ZZZ3: variants seen among roughly 807,000 people sequenced by gnomAD.
ZZZ3 encodes ZZ-type zinc finger-containing protein 3.
In ZZZ3, 22 loss-of-function variants were observed where a neutral mutation model predicts 95.2. The observed-to-expected ratio is 0.23, with a 90% CI of 0.17 to 0.33. ZZZ3 has a LOEUF of 0.33. ZZZ3 is among the 10% of genes least tolerant of loss of function. The pLI, the probability that ZZZ3 is intolerant of heterozygous loss-of-function variation, is 1.00. For synonymous variants in ZZZ3, 335 were observed against 358.9 expected (o/e 0.93, Z 0.75); for missense variants, 885 against 1,066.5 (o/e 0.83, Z 2.37).
rs909586336 is a variant in ZZZ3 at position 77,562,566 on chromosome 1, T to C, written c.*3074A>G. On this transcript the variant is annotated 3_prime_UTR_variant, in exon 15 of 15. Transcript: ENST00000370801. ...TGTTCATACCTAGTAAATTTTTGTGTTCTGTGAATCAATTTAAACAAAAAG... is the reference window on the plus strand; with the variant it reads ...TGTTCATACCTAGTAAATTTTTGTGCTCTGTGAATCAATTTAAACAAAAAG... 6.6e-5 allele frequency: 10 copies of C among 152,330 alleles called. No individual in the cohort carries two copies. In the Middle Eastern group the frequency reaches 0.014, roughly 207 times the overall value. 9.4% of individuals were successfully genotyped at this position (152,330 alleles called of 1,614,324 possible). A position where few individuals can be genotyped will look rare whatever the true frequency, so the allele number is the denominator to read the frequency against.
Position 77,582,082 on chromosome 1 carries a change from A to T in ZZZ3, c.1689T>A (p.Pro563=). The change falls in exon 7 of 15, where the codon CCT becomes CCA. Residue 563 remains proline, a synonymous_variant. Coordinates refer to ENST00000370801, the MANE Select transcript of ZZZ3 (RefSeq NM_015534.6). ...LPYPQRVVQL[P]EIVWDQYTHS... ...GGGTATATTGGTCCCATACGATCTC[A>T]GGCAATTGAACAACTCTCTGTGGAT... is the stretch of plus-strand genomic sequence containing the variant. The T allele has an allele frequency of 6.2e-7, 1 of 1,613,360 alleles. No homozygotes were observed. The highest frequency in any genetic ancestry group is 8.5e-7 in the Non-Finnish European group (1 of 1,179,706).
chr1:77,662,414 G>T (rs189068545), intron 1 of ZZZ3, among the ~76,000 whole-genome samples: 1 of 152,076 alleles, frequency 6.6e-6, no homozygotes, highest in Non-Finnish European at 1.5e-5. Context: ...AAAGTGCTGG[G>T]ATTACAGGCA....
intron 1 of ZZZ3, among the ~76,000 whole-genome samples, chr1:77,644,923 C>T (rs948091444): frequency 5.9e-5 from 9 of 152,176 alleles, no homozygotes; most frequent in African/African-American, 2.2e-4. Flanking sequence ...TCAGTTTCTT[C>T]TAAAACTTTA....
Position 77,641,561 on chromosome 1 carries a change from G to A in ZZZ3, c.-308C>T, listed in dbSNP as rs949423206. The A allele has an allele frequency of 3.0e-5, 12 of 398,012 alleles. No homozygotes were observed. Among genetic ancestry groups the A allele is most frequent in the East Asian group, 3.6e-5 (1 of 27,998 alleles). The allele number at this position is 398,012 out of a possible 1,614,324, so 24.7% of individuals were successfully genotyped here. A position where few individuals can be genotyped will look rare whatever the true frequency, so the allele number is the denominator to read the frequency against. On this transcript the variant is annotated 5_prime_UTR_variant, in exon 2 of 15. The change creates a new upstream start codon in the 5' untranslated region. Coordinates refer to ENST00000370801, the MANE Select transcript of ZZZ3 (RefSeq NM_015534.6). Reference sequence around the variant, plus strand: ...TTTGCCTAGTATTTGATCCCCATGCGTCTGTATTTATCTGTCATCACTGTT... The same window carrying A: ...TTTGCCTAGTATTTGATCCCCATGCATCTGTATTTATCTGTCATCACTGTT...
At chr1:77,682,940 G>A (rs538825951), upstream of ZZZ3, among the ~76,000 whole-genome samples, 1 of 152,146 alleles carries the variant, frequency 6.6e-6, no homozygotes, top group African/African-American at 2.4e-5. Context: ...GCCCCAGGCA[G>A]CCTCCCTGTC....
chr1:77,657,574 C>T (rs1428128441), intron 1 of ZZZ3, among the ~76,000 whole-genome samples: 1 of 152,172 alleles, frequency 6.6e-6, no homozygotes, highest in East Asian at 1.9e-4. Flanking sequence ...AACATGTCCG[C>T]AAATGACTGC....
At chr1:77,572,233 A>C (rs918882410) in intron 12 of ZZZ3, among the ~76,000 whole-genome samples, 3 of 152,250 alleles carry the variant, frequency 2.0e-5, no homozygotes, top group African/African-American at 7.2e-5. Flanking sequence ...CAACAACAAC[A>C]AAAATTACAT....
At chr1:77,573,313 G>A (rs1302976068) in intron 12 of ZZZ3, among the ~76,000 whole-genome samples, 3 of 151,748 alleles carry the variant, frequency 2.0e-5, no homozygotes, top group African/African-American at 7.3e-5. Context: ...GTAGAGATGA[G>A]GTTTTACCAT....
chr1:77,639,132 T>C (rs545639511), intron 4 of ZZZ3, among the ~76,000 whole-genome samples: 9 of 151,636 alleles, frequency 5.9e-5, no homozygotes, highest in South Asian at 2.1e-4. Context: ...GACAGACAGA[T>C]AGACAAAAGT....
At chr1:77,670,455 C>T (rs1212410703) in intron 1 of ZZZ3, among the ~76,000 whole-genome samples, 2 of 151,922 alleles carry the variant, frequency 1.3e-5, no homozygotes, top group Non-Finnish European at 2.9e-5. Flanking sequence ...GATGGGGTTT[C>T]GCCATGTTGA....
chr1:77,607,222 T>G (rs146713582), intron 5 of ZZZ3, among the ~76,000 whole-genome samples: 1 of 152,156 alleles, frequency 6.6e-6, no homozygotes, highest in East Asian at 1.9e-4. Context: ...CATGGGGGCA[T>G]GCAAAAGGAC....
intron 1 of ZZZ3, 119 bp from the exon 2 acceptor site, chr1:77,641,774 A>C (rs1668797517): frequency 2.6e-6 from 1 of 386,170 alleles, no homozygotes; most frequent in Admixed American, 4.5e-5. Context: ...ACTAAACTTC[A>C]CAAGTAATTC....
chr1:77,597,271 G>A (rs900324246), intron 5 of ZZZ3, among the ~76,000 whole-genome samples: 9 of 152,058 alleles, frequency 5.9e-5, no homozygotes, highest in Admixed American at 6.6e-5. Flanking sequence ...ATAATCCAAA[G>A]TATAAAACTG....
intron 1 of ZZZ3, among the ~76,000 whole-genome samples, chr1:77,681,305 T>C (rs1672732606): frequency 6.6e-6 from 1 of 151,848 alleles, no homozygotes; most frequent in Non-Finnish European, 1.5e-5. Context: ...GTATTATGTA[T>C]AGGAAAAAAA....
chr1:77,567,832 G>T (rs1461338028), intron 13 of ZZZ3, among the ~76,000 whole-genome samples: 2 of 152,076 alleles, frequency 1.3e-5, no homozygotes, highest in Non-Finnish European at 2.9e-5. Context: ...ATGAACAACA[G>T]CAACAAAAAG....
chr1:77,563,279 T>C lies in ZZZ3; in HGVS notation c.*2361A>G, dbSNP rs535084978. 6.6e-6 allele frequency: 1 copy of C among 152,336 alleles called. No homozygotes were observed. The highest frequency in any genetic ancestry group is 6.5e-5 in the Admixed American group (1 of 15,304). The allele number at this position is 152,336 out of a possible 1,614,324, so 9.4% of individuals were successfully genotyped here. ...CAGTCTGTTTTAGCTTACAGTCCAA[T>C]AATTCTATGTAGGCAGATGGTAGCC... On this transcript the variant is annotated 3_prime_UTR_variant, in exon 15 of 15. Transcript: ENST00000370801.
chr1:77,584,584 C>T lies in ZZZ3; in HGVS notation c.1577G>A (p.Ser526Asn), dbSNP rs1662893427. 6.2e-7 allele frequency: 1 copy of T among 1,613,408 alleles called. No individual in the cohort carries two copies. The highest frequency in any genetic ancestry group is 2.2e-5 in the East Asian group (1 of 44,824). The change falls in exon 6 of 15, where the codon AGT (serine) becomes AAT (asparagine). Residue 526 changes from serine (S) to asparagine (N), a missense_variant. Ser to Asn is a conservative substitution (Grantham distance 46). Transcript: ENST00000370801. Reference sequence around the variant, plus strand: ...TGCTTCTCTCTGGTGCCTGCCTAAACTTTCAAGGTCTTGGACTGCTTGAGA... The same window carrying T: ...TGCTTCTCTCTGGTGCCTGCCTAAATTTTCAAGGTCTTGGACTGCTTGAGA... ...QRSQAVQDLE[S>N]LGRHQREALK...
intron 4 of ZZZ3, among the ~76,000 whole-genome samples, chr1:77,637,121 G>A (rs544528082): frequency 1.1e-4 from 16 of 152,302 alleles, no homozygotes; most frequent in African/African-American, 3.1e-4. Flanking sequence ...TAGGGTTTGA[G>A]AAGCACTGCC....
intron 1 of ZZZ3, among the ~76,000 whole-genome samples, chr1:77,647,326 C>T (rs976644458): frequency 6.6e-6 from 1 of 152,138 alleles, no homozygotes; most frequent in African/African-American, 2.4e-5. Flanking sequence ...CAAAACCGGC[C>T]TAGCCAACAT....
Sources: allele counts gnomAD v4.1 joint callset (sites outside exome capture counted in the v4.1 genomes callset), GRCh38; gene constraint gnomAD v4.1.1; transcripts MANE v1.5; gene names NCBI Gene and HGNC (gene_info 2026-07-23, HGNC 2026-07-21).